The following SEMA5B variants were observed in gnomAD, a reference collection of about 807,000 sequenced individuals.
SEMA5B encodes the protein semaphorin 5B.
Under a neutral mutation model 135.0 loss-of-function variants are expected in SEMA5B, and 66 were observed. The observed-to-expected ratio is 0.49, with a 90% CI of 0.40 to 0.60. The LOEUF is 0.60. Among genes scored for constraint, SEMA5B ranks in the 20% least tolerant of loss-of-function variants. SEMA5B has a pLI of 0.00. For synonymous variants in SEMA5B, 690 were observed against 639.5 expected, an observed-to-expected ratio of 1.08 and a Z score of -1.19; for missense variants, 1,501 against 1,566.3, an observed-to-expected ratio of 0.96 and a Z score of 0.70.
intron 5 of SEMA5B, among the ~76,000 whole-genome samples, chr3:122,939,062 A>C (rs1392263127): frequency 1.3e-5 from 2 of 152,208 alleles, no homozygotes; most frequent in Admixed American, 1.3e-4. Context: ...ATAACCAACC[A>C]ACCCAGTTTG....
At chr3:122,964,844 A>G (rs192463966) in intron 1 of SEMA5B, among the ~76,000 whole-genome samples, 5 of 152,280 alleles carry the variant, frequency 3.3e-5, no homozygotes, top group Non-Finnish European at 5.9e-5. Flanking sequence ...CAGAGCCATT[A>G]ATTAACAGAG....
At chr3:122,959,634 C>T (rs1290146493) in intron 2 of SEMA5B, among the ~76,000 whole-genome samples, 1 of 152,116 alleles carries the variant, frequency 6.6e-6, no homozygotes, top group Non-Finnish European at 1.5e-5. Flanking sequence ...GTGTGAACAT[C>T]GTGAGGGCAA....
intron 18 of SEMA5B, 63 bp from the exon 19 acceptor site, chr3:122,912,405 T>A: frequency 7.0e-7 from 1 of 1,434,302 alleles, no homozygotes; most frequent in Non-Finnish European, 9.3e-7. Flanking sequence ...CGGTCTTCCA[T>A]CCCATACCAG....
chr3:123,020,887 C>T (rs1175531566), intron 1 of SEMA5B, among the ~76,000 whole-genome samples: 1 of 152,228 alleles, frequency 6.6e-6, no homozygotes, highest in Non-Finnish European at 1.5e-5. Flanking sequence ...TCACAGCCCT[C>T]TTCTCTCTGG....
chr3:122,993,604 C>G (rs1346431873), intron 1 of SEMA5B, among the ~76,000 whole-genome samples: 1 of 152,132 alleles, frequency 6.6e-6, no homozygotes, highest in African/African-American at 2.4e-5. Context: ...GTGTGTGCAT[C>G]TTCCCAGAGT....
chr3:122,925,120 A>G (rs1049014803), intron 9 of SEMA5B, among the ~76,000 whole-genome samples: 2 of 152,078 alleles, frequency 1.3e-5, no homozygotes, highest in East Asian at 3.9e-4. Context: ...TCTTTCCTAT[A>G]GCTAGCCTGG....
In SEMA5B at chr3:122,961,101, ACC is replaced by A. The variant is rs572731321; in HGVS notation, c.124+37_124+38del. On this transcript the variant is annotated intron_variant, in intron 2 of 22. Coordinates refer to ENST00000357599, the MANE Select transcript of SEMA5B (RefSeq NM_001031702.4). The stretch of plus-strand genomic sequence containing the variant: ...CTCCCTGCTCTCCCCTCAGTCTGGT[ACC>A]TGCTGCAGCCCCCCACACTCCCCTG... The A allele has an allele frequency of 1.2e-4, 195 of 1,565,354 alleles. 2 individuals carry two copies. The South Asian group carries it at 2.2e-3, about 18-fold the overall frequency.
At chr3:123,005,055 T>C (rs57501151) in intron 1 of SEMA5B, among the ~76,000 whole-genome samples, 10,179 of 152,134 alleles carry the variant, frequency 0.067, 990 homozygotes, top group African/African-American at 0.22. Context: ...AAGGCCAGCA[T>C]GAAAGGTCAG....
At chr3:123,003,603 G>A (rs1942234893) in intron 1 of SEMA5B, among the ~76,000 whole-genome samples, 1 of 152,136 alleles carries the variant, frequency 6.6e-6, no homozygotes, top group East Asian at 1.9e-4. Flanking sequence ...GGGAGGTCAA[G>A]GCAGGCGAAT....
At chr3:122,982,738 T>C (rs1387733304) in intron 1 of SEMA5B, among the ~76,000 whole-genome samples, 1 of 151,928 alleles carries the variant, frequency 6.6e-6, no homozygotes, top group Non-Finnish European at 1.5e-5. Context: ...TAGAGTCCCA[T>C]GGAAACCACA....
chr3:123,002,238 T>C (rs943210857), intron 1 of SEMA5B, among the ~76,000 whole-genome samples: 1 of 152,092 alleles, frequency 6.6e-6, no homozygotes, highest in Non-Finnish European at 1.5e-5. Flanking sequence ...GCATCACGGA[T>C]GGGGGATGGA....
In SEMA5B at chr3:122,943,453, C is replaced by T; in HGVS notation, c.411G>A (p.Gln137=). The T allele has an allele frequency of 6.2e-7, 1 of 1,606,748 alleles. No individual in the cohort carries two copies. Among genetic ancestry groups the T allele is most frequent in the Non-Finnish European group, 8.5e-7 (1 of 1,177,390 alleles). Residue 137 remains glutamine (Q), a synonymous_variant, in exon 4 of 23, where the codon CAG becomes CAA. Transcript: ENST00000357599. ...CTTGTTACCTGGCTCCCACGATGAG[C>T]TGGTTCCCGGAGGGGTCCAAAGCCA... The part of the protein sequence containing the change: ...SQLALDPSGN[Q]LIVGARNYLF...
intron 1 of SEMA5B, among the ~76,000 whole-genome samples, chr3:122,990,983 C>T (rs1332336012): frequency 6.6e-5 from 10 of 152,186 alleles, no homozygotes; most frequent in African/African-American, 1.9e-4. Flanking sequence ...TATGCACACG[C>T]GTGTGTATGC....
In SEMA5B at chr3:122,910,905, T is replaced by G. The variant is rs1393098986; in HGVS notation, c.3232A>C (p.Asn1078His). 6.2e-7 allele frequency: 1 copy of G among 1,613,346 alleles called. No homozygotes were observed. Among genetic ancestry groups the G allele is most frequent in the Non-Finnish European group, 8.5e-7 (1 of 1,179,940 alleles). Residue 1078 changes from asparagine (N) to histidine (H), a missense_variant, in exon 22 of 23, where the codon AAC (asparagine) becomes CAC (histidine). Physicochemically the swap from Asn to His is moderately conservative, Grantham distance 68 (BLOSUM62 1). This residue lies in a region of SEMA5B where 927 missense variants were observed against 881.6 expected (regional missense o/e 1.05). Transcript: ENST00000357599. ...ESTLVHPATP[N>H]HLHYKGGGTP... is the part of the protein sequence containing the mutation. ...CCTCCGCCCTTGTAGTGCAAATGGT[T>G]GGGGGTGGCAGGATGGACCAGTGTG...
intron 1 of SEMA5B, among the ~76,000 whole-genome samples, chr3:123,000,327 TG>T (rs1241244166): frequency 6.6e-6 from 1 of 151,884 alleles, no homozygotes; most frequent in Non-Finnish European, 1.5e-5. Flanking sequence ...GTCCCAGAGG[TG>T]GTGCAGGTGC....
At chr3:122,956,761 C>T (rs1365722267) in intron 2 of SEMA5B, among the ~76,000 whole-genome samples, 7 of 152,192 alleles carry the variant, frequency 4.6e-5, no homozygotes, top group Admixed American at 6.5e-5. Context: ...GAGGATGCAT[C>T]GGGCCGGCTC....
In SEMA5B at chr3:123,013,972, T is replaced by C. The variant is rs551904634; in HGVS notation, c.-39+13492A>G. On this transcript the variant is annotated intron_variant, in intron 1 of 22. Coordinates refer to ENST00000357599, the MANE Select transcript of SEMA5B (RefSeq NM_001031702.4). ...CAGGAAGGAAACGGTGAGAGGAGCTTTGGGCACAGGAGGGCCAAGCCGGAG... is the reference window on the plus strand; with the variant it reads ...CAGGAAGGAAACGGTGAGAGGAGCTCTGGGCACAGGAGGGCCAAGCCGGAG... 9.9e-5 allele frequency among the ~76,000 whole-genome samples: 15 copies of C among 152,280 alleles called. No homozygotes were observed. In the East Asian group the frequency reaches 2.9e-3, roughly 29 times the overall value.
At chr3:123,015,432 A>G (rs536049954) in intron 1 of SEMA5B, among the ~76,000 whole-genome samples, 2 of 152,338 alleles carry the variant, frequency 1.3e-5, no homozygotes, top group African/African-American at 4.8e-5. Context: ...GCATACGGGT[A>G]TGCTGGTCAG....
intron 1 of SEMA5B, among the ~76,000 whole-genome samples, chr3:122,989,279 C>T (rs920183571): frequency 3.9e-5 from 6 of 152,238 alleles, no homozygotes; most frequent in Non-Finnish European, 1.5e-5. Context: ...AGCAGCCGCA[C>T]AGAGGCTGCT....
Sources: allele counts gnomAD v4.1 joint callset (sites outside exome capture counted in the v4.1 genomes callset), GRCh38; gene constraint gnomAD v4.1.1; regional missense constraint gnomAD v4.1.1; transcripts MANE v1.5; gene names NCBI Gene and HGNC (gene_info 2026-07-23, HGNC 2026-07-21).